HMCN1: variants seen among roughly 807,000 people sequenced by gnomAD.
The protein encoded by HMCN1 is hemicentin 1.
In HMCN1, 321 loss-of-function variants were observed where a neutral mutation model predicts 625.9. That is an observed-to-expected ratio of 0.51 (90% confidence interval 0.47 to 0.56). HMCN1 has a LOEUF of 0.56. Ranked by LOEUF, HMCN1 falls within the 20% of genes least tolerant of loss-of-function variation. The pLI, the probability that HMCN1 is intolerant of heterozygous loss-of-function variation, is 0.00. For missense variants in HMCN1, 6,588 were observed against 6,887.3 expected, an observed-to-expected ratio of 0.96 and a Z score of 1.54; for synonymous variants, 2,425 against 2,417.6, an observed-to-expected ratio of 1.00 and a Z score of -0.09.
chr1:185,843,843 T>C (rs1194179086), intron 1 of HMCN1, among the ~76,000 whole-genome samples: 1 of 152,060 alleles, frequency 6.6e-6, no homozygotes, highest in Non-Finnish European at 1.5e-5. Context: ...TGAAAACAGG[T>C]GTATATTTGA....
intron 1 of HMCN1, among the ~76,000 whole-genome samples, chr1:185,816,585 A>G (rs1307047738): frequency 6.6e-6 from 1 of 152,228 alleles, no homozygotes; most frequent in Non-Finnish European, 1.5e-5. Flanking sequence ...GTATCTGATT[A>G]GCAATAAAGG....
chr1:186,164,938 C>G (rs891735155), intron 97 of HMCN1, among the ~76,000 whole-genome samples, 173 bp from the exon 98 acceptor site: 2 of 152,184 alleles, frequency 1.3e-5, no homozygotes, highest in Non-Finnish European at 2.9e-5. Context: ...GATTCATGTA[C>G]TTCTTGGTTT....
At chr1:185,911,626 T>A (rs1317806764) in intron 5 of HMCN1, 48 bp from the exon 6 acceptor site, 4 of 1,293,280 alleles carry the variant, frequency 3.1e-6, no homozygotes, top group Non-Finnish European at 4.5e-6. Context: ...CTAATATACA[T>A]AGCTGAGAGA....
chr1:186,149,283 G>A (rs1245317547), intron 93 of HMCN1, among the ~76,000 whole-genome samples: 1 of 152,200 alleles, frequency 6.6e-6, no homozygotes, highest in African/African-American at 2.4e-5. Flanking sequence ...CTGTTGTTTA[G>A]TGTAGCCACC....
At chr1:186,072,862 C>T (rs975340559) in intron 52 of HMCN1, among the ~76,000 whole-genome samples, 14 of 152,136 alleles carry the variant, frequency 9.2e-5, no homozygotes, top group African/African-American at 2.7e-4. Context: ...GACGGAAAGC[C>T]GACTGGGAAA....
At chr1:185,783,426 T>G (rs1215047373) in intron 1 of HMCN1, among the ~76,000 whole-genome samples, 1 of 152,156 alleles carries the variant, frequency 6.6e-6, no homozygotes, top group African/African-American at 2.4e-5. Context: ...GGTGCTCTGA[T>G]TTTTAGAATT....
intron 89 of HMCN1, among the ~76,000 whole-genome samples, chr1:186,142,193 C>A (rs1265078371): frequency 6.6e-6 from 1 of 152,070 alleles, no homozygotes; most frequent in African/African-American, 2.4e-5. Context: ...GTTTGTTGTT[C>A]CCCTCTTTCT....
intron 1 of HMCN1, among the ~76,000 whole-genome samples, chr1:185,773,541 G>A (rs1656391935): frequency 6.6e-6 from 1 of 152,222 alleles, no homozygotes; most frequent in South Asian, 2.1e-4. Flanking sequence ...AACATGTAGA[G>A]GAGGGCAGAA....
At chr1:185,846,609 T>C (rs1661833072) in intron 2 of HMCN1, among the ~76,000 whole-genome samples, 1 of 152,216 alleles carries the variant, frequency 6.6e-6, no homozygotes, top group Non-Finnish European at 1.5e-5. Context: ...AGAGGTAAAG[T>C]TGCAATGCAT....
intron 87 of HMCN1, among the ~76,000 whole-genome samples, chr1:186,137,253 G>T (rs1375505361): frequency 2.0e-5 from 3 of 152,218 alleles, no homozygotes; most frequent in Non-Finnish European, 4.4e-5. Context: ...TTGTAAACTT[G>T]TTGGTCTCTA....
At chr1:185,964,512 G>A (rs1341680201) in intron 13 of HMCN1, among the ~76,000 whole-genome samples, 2 of 152,072 alleles carry the variant, frequency 1.3e-5, no homozygotes, top group Non-Finnish European at 2.9e-5. Context: ...GAAACTGTCA[G>A]TAGAGAAGCA....
At chr1:186,117,404 T>C in intron 76 of HMCN1, 55 bp from the exon 77 acceptor site, 2 of 1,586,196 alleles carry the variant, frequency 1.3e-6, no homozygotes, top group South Asian at 1.1e-5. Context: ...TTTGGAAATC[T>C]TTAAGGGCTG....
intron 35 of HMCN1, among the ~76,000 whole-genome samples, chr1:186,021,998 C>T (rs1654753132): frequency 6.6e-6 from 1 of 151,904 alleles, no homozygotes; most frequent in South Asian, 2.1e-4. Flanking sequence ...ACCTAGATGA[C>T]TGGAAAAATA....
intron 22 of HMCN1, among the ~76,000 whole-genome samples, chr1:185,991,767 C>T (rs1446771486): frequency 6.6e-6 from 1 of 151,170 alleles, no homozygotes; most frequent in Non-Finnish European, 1.5e-5. Flanking sequence ...TCTTTGTATA[C>T]TCATGCATGA....
intron 6 of HMCN1, among the ~76,000 whole-genome samples, chr1:185,920,451 A>G (rs1230602725): frequency 6.6e-6 from 1 of 152,196 alleles, no homozygotes; most frequent in East Asian, 1.9e-4. Context: ...ATTACTCTTC[A>G]TATTTTAGCA....
chr1:186,073,275 C>A (rs1244129905), intron 52 of HMCN1, among the ~76,000 whole-genome samples: 1 of 152,044 alleles, frequency 6.6e-6, no homozygotes, highest in African/African-American at 2.4e-5. Flanking sequence ...AAGTTACCAG[C>A]ATGAATGTCA....
chr1:186,031,630 G>C (rs1655446085), intron 36 of HMCN1, among the ~76,000 whole-genome samples: 1 of 151,566 alleles, frequency 6.6e-6, no homozygotes, highest in South Asian at 2.1e-4. Context: ...CCTCTCCTCT[G>C]GTACTCCCAT....
chr1:186,153,342 C>T (rs1203016494), intron 96 of HMCN1, among the ~76,000 whole-genome samples: 2 of 152,132 alleles, frequency 1.3e-5, no homozygotes, highest in Non-Finnish European at 2.9e-5. Flanking sequence ...CTGAACACTA[C>T]TGTACAATTA....
intron 1 of HMCN1, among the ~76,000 whole-genome samples, chr1:185,766,628 C>T (rs1384637292): frequency 6.6e-6 from 1 of 152,062 alleles, no homozygotes; most frequent in Non-Finnish European, 1.5e-5. Flanking sequence ...TTAAATACAC[C>T]TTACCTAGGC....
Sources: gnomAD v4.1 joint callset for allele counts (sites outside exome capture counted in the v4.1 genomes callset) on GRCh38, gnomAD v4.1.1 for gene constraint, MANE v1.5 for transcripts, NCBI Gene and HGNC (gene_info 2026-07-23, HGNC 2026-07-21) for gene names.